Variants in KCNQ3 observed in about 807,000 individuals in gnomAD.
KCNQ3 encodes potassium voltage-gated channel subfamily KQT member 3.
KCNQ3 carries 30 observed loss-of-function variants against 92.5 expected under a neutral mutation model. That is an observed-to-expected ratio of 0.32 (90% confidence interval 0.24 to 0.44). The LOEUF is 0.44. KCNQ3 is among the 20% of genes least tolerant of loss of function. KCNQ3 has a pLI of 1.00. For missense variants in KCNQ3, 913 were observed against 1,140.3 expected (o/e 0.80, Z 2.87); for synonymous variants, 450 against 468.8 (o/e 0.96, Z 0.52).
chr8:132,447,445 T>C lies in KCNQ3; in HGVS notation c.386+32702A>G, dbSNP rs1821712184. Among the ~76,000 whole-genome samples the C allele has an allele frequency of 2.0e-5, 3 of 151,684 alleles. No homozygotes were observed. The South Asian group carries it at 6.3e-4, about 32-fold the overall frequency. ...GGAAGAGGTGGTGGAGGGGTACCTG[T>C]GCGTGGGCCACACAGTGATTGGCTG... is the stretch of plus-strand genomic sequence containing the variant. On this transcript the variant is annotated intron_variant, in intron 1 of 14. Transcript: ENST00000388996.
intron 1 of KCNQ3, among the ~76,000 whole-genome samples, chr8:132,357,610 T>C (rs975127919): frequency 3.3e-5 from 5 of 152,146 alleles, no homozygotes; most frequent in African/African-American, 1.2e-4. Context: ...GCAGGAGACA[T>C]GGGCACCACA....
At chr8:132,209,519 G>A (rs1191459193) in intron 1 of KCNQ3, among the ~76,000 whole-genome samples, 4 of 148,226 alleles carry the variant, frequency 2.7e-5, no homozygotes, top group East Asian at 2.0e-4. Context: ...TATAATGTAC[G>A]TAATTCACAC....
intron 1 of KCNQ3, among the ~76,000 whole-genome samples, chr8:132,347,824 AC>A (rs375468517): frequency 0.073 from 11,029 of 151,850 alleles, 446 homozygotes; most frequent in South Asian, 0.16. Flanking sequence ...AAAAATACAA[AC>A]AATTAGCCGG....
At chr8:132,356,105 A>G (rs2130713528) in intron 1 of KCNQ3, among the ~76,000 whole-genome samples, 1 of 152,354 alleles carries the variant, frequency 6.6e-6, no homozygotes, top group South Asian at 2.1e-4. Context: ...TCACAGGGCC[A>G]TTGGTGGATC....
At chr8:132,239,485 C>T (rs1011281250) in intron 1 of KCNQ3, among the ~76,000 whole-genome samples, 6 of 152,170 alleles carry the variant, frequency 3.9e-5, no homozygotes, top group African/African-American at 1.2e-4. Context: ...CAAAATGAAA[C>T]TCAAAGTAAT....
chr8:132,122,631 T>A lies in KCNQ3; in HGVS notation c.*6631A>T, dbSNP rs1170258708. On this transcript the variant is annotated 3_prime_UTR_variant, in exon 15 of 15. Transcript: ENST00000388996. ...GATGAAGGCTTAGGTAGAATGACAA[T>A]CTTTAAAATTACTGGGCCAACTATT... is the stretch of plus-strand genomic sequence containing the variant. The A allele has an allele frequency of 6.6e-6, 1 of 152,170 alleles. No homozygotes were observed. Among genetic ancestry groups the A allele is most frequent in the African/African-American group, 2.4e-5 (1 of 41,440 alleles). The allele number at this position is 152,170 out of a possible 1,614,324, so 9.4% of individuals were successfully genotyped here.
Position 132,129,274 on chromosome 8 carries a change from A to T in KCNQ3, c.2607T>A (p.Asn869Lys). The T allele has an allele frequency of 1.2e-6, 2 of 1,612,324 alleles. No individual in the cohort carries two copies. Among genetic ancestry groups the T allele is most frequent in the Non-Finnish European group, 1.7e-6 (2 of 1,180,010 alleles). ...CCAGTGACCTCTTTTAAATGGGCTT[A>T]TTGGAAGGGGTCCATACTGAATCAG... is the stretch of plus-strand genomic sequence containing the variant. ...GISDSVWTPS[N>K]KPI Residue 869 changes from asparagine (N) to lysine (K), a missense_variant, in exon 15 of 15, where the codon AAT (asparagine) becomes AAA (lysine). Transcript: ENST00000388996. The surrounding 1 kb of genome is among the most constrained non-coding windows in gnomAD (Gnocchi z 5.9).
chr8:132,141,466 C>T, intron 9 of KCNQ3, 135 bp from the exon 10 acceptor site: 4 of 798,344 alleles, frequency 5.0e-6, no homozygotes, highest in Non-Finnish European at 8.4e-6. Flanking sequence ...CTGAATCTGA[C>T]TCAGCAGCTT....
At chr8:132,275,696 G>T (rs1426085619) in intron 1 of KCNQ3, among the ~76,000 whole-genome samples, 1 of 151,908 alleles carries the variant, frequency 6.6e-6, no homozygotes, top group African/African-American at 2.4e-5. Context: ...TCCTGCCTCA[G>T]CCTCCCAAGT....
chr8:132,249,159 G>C (rs932347334), intron 1 of KCNQ3, among the ~76,000 whole-genome samples: 4 of 152,194 alleles, frequency 2.6e-5, no homozygotes, highest in African/African-American at 9.7e-5. Context: ...GCAGCAACAA[G>C]ATTTATTGCA....
chr8:132,415,466 T>C (rs992936205), intron 1 of KCNQ3, among the ~76,000 whole-genome samples: 2 of 152,150 alleles, frequency 1.3e-5, no homozygotes, highest in Non-Finnish European at 2.9e-5. Flanking sequence ...GTCACCCACC[T>C]CTGGATTTCC....
chr8:132,229,209 G>A lies in KCNQ3; in HGVS notation c.387-43028C>T, dbSNP rs527464768. 7.9e-5 allele frequency among the ~76,000 whole-genome samples: 12 copies of A among 151,418 alleles called. No individual in the cohort carries two copies. The East Asian group carries it at 2.1e-3, about 27-fold the overall frequency. ...GAAGAGGTTGCAGTGAGCTGAGATG[G>A]TGAGATCATGCCACTGCACTCCAGC... On this transcript the variant is annotated intron_variant, in intron 1 of 14. Coordinates refer to ENST00000388996, the MANE Select transcript of KCNQ3 (RefSeq NM_004519.4).
intron 7 of KCNQ3, among the ~76,000 whole-genome samples, chr8:132,171,877 C>T (rs1248659153): frequency 6.6e-6 from 1 of 152,014 alleles, no homozygotes; most frequent in Admixed American, 6.6e-5. Context: ...AAGCTGAGGC[C>T]ACGTGCCACA....
intron 1 of KCNQ3, among the ~76,000 whole-genome samples, chr8:132,414,897 G>T: frequency 6.6e-6 from 1 of 152,204 alleles, no homozygotes; most frequent in East Asian, 1.9e-4. Flanking sequence ...AATGAACGAG[G>T]AACAGTGTGT....
rs751162568 is a variant in KCNQ3, at chr8:132,170,396, G to T, written c.1173C>A (p.Asn391Lys). ...AAWRYYATNP[N>K]RIDLVATWRF... The stretch of plus-strand genomic sequence containing the variant: ...TCCATGTCGCCACCAGGTCAATCCT[G>T]TTGGGGTTGGTAGCATAATACCTCC... The change falls in exon 8 of 15, where the codon AAC (asparagine) becomes AAA (lysine). Residue 391 changes from asparagine to lysine, a missense_variant. Asn to Lys is a moderately conservative substitution (Grantham distance 94). This residue lies in a region of KCNQ3 where 52 missense variants were observed against 127.7 expected (regional missense o/e 0.41). Transcript: ENST00000388996. The T allele has an allele frequency of 1.2e-6, 2 of 1,613,902 alleles. No homozygotes were observed. Among genetic ancestry groups the T allele is most frequent in the South Asian group, 2.2e-5 (2 of 91,078 alleles).
chr8:132,352,411 C>G (rs1178282952), intron 1 of KCNQ3, among the ~76,000 whole-genome samples: 1 of 152,110 alleles, frequency 6.6e-6, no homozygotes, highest in Non-Finnish European at 1.5e-5. Context: ...AAGACTCCTA[C>G]AACAAAGACT....
intron 1 of KCNQ3, among the ~76,000 whole-genome samples, chr8:132,400,974 T>A (rs1207627063): frequency 1.3e-5 from 2 of 152,166 alleles, no homozygotes; most frequent in African/African-American, 4.8e-5. Flanking sequence ...TCCCCTAGCC[T>A]TTGCAGAGGC....
At chr8:132,386,884 A>G (rs1386312430) in intron 1 of KCNQ3, among the ~76,000 whole-genome samples, 3 of 152,232 alleles carry the variant, frequency 2.0e-5, no homozygotes, top group African/African-American at 7.2e-5. Context: ...GGAGCATTAC[A>G]TCATGTTGAA....
At chr8:132,261,529 G>T (rs1312688423) in intron 1 of KCNQ3, among the ~76,000 whole-genome samples, 1 of 152,234 alleles carries the variant, frequency 6.6e-6, no homozygotes, top group Non-Finnish European at 1.5e-5. Context: ...GCTTGGAATA[G>T]AAAGGCAATA....
Sources: gnomAD v4.1 joint callset for allele counts (sites outside exome capture counted in the v4.1 genomes callset) on GRCh38, gnomAD v4.1.1 for gene constraint, gnomAD v4.1.1 regional missense constraint, Gnocchi (gnomAD v3.1) non-coding constraint, MANE v1.5 for transcripts, NCBI Gene and HGNC (gene_info 2026-07-23, HGNC 2026-07-21) for gene names.